CNGA4: variants seen among roughly 807,000 people sequenced by gnomAD.
CNGA4 encodes the protein cyclic nucleotide-gated channel alpha-4.
In CNGA4, 32 loss-of-function variants were observed where a neutral mutation model predicts 45.6. The observed-to-expected ratio is 0.70, with a 90% CI of 0.53 to 0.94. The LOEUF (loss-of-function observed/expected upper bound fraction) is 0.94, where lower values mean the gene tolerates loss of function less well. CNGA4 is among the 40% of genes least tolerant of loss of function. The pLI is 0.00. For missense variants in CNGA4, 726 were observed against 755.1 expected (o/e 0.96, Z 0.45); for synonymous variants, 293 against 304.6 (o/e 0.96, Z 0.40).
chr11:6,237,024 T>C (rs1847847343), upstream of CNGA4, among the ~76,000 whole-genome samples: 3 of 152,148 alleles, frequency 2.0e-5, no homozygotes, highest in Admixed American at 6.5e-5. Flanking sequence ...GCTGAACTCA[T>C]TGGGCAAACT....
chr11:6,241,842 C>T (rs765343881), intron 5 of CNGA4, 62 bp downstream of exon 5: 2 of 1,471,144 alleles, frequency 1.4e-6, no homozygotes, highest in African/African-American at 1.4e-5. Context: ...AACAGCAGAG[C>T]CCAGTGCTGG....
chr11:6,238,964 A>G, upstream of CNGA4: 1 of 1,204,080 alleles, frequency 8.3e-7, no homozygotes, highest in Non-Finnish European at 1.1e-6. Flanking sequence ...AGAGGTGTTT[A>G]GCTGGGCAGG....
At chr11:6,239,617 G>A in intron 2 of CNGA4, 67 bp from the exon 3 acceptor site, 20 of 1,573,768 alleles carry the variant, frequency 1.3e-5, no homozygotes, top group Non-Finnish European at 1.6e-5. Flanking sequence ...AGGGTTAAGG[G>A]CCCTGGGGAG....
In CNGA4 at chr11:6,244,179, C is replaced by G. The variant is rs754502296; in HGVS notation, c.1498C>G (p.Leu500Val). The G allele has an allele frequency of 6.2e-7, 1 of 1,614,232 alleles. No homozygotes were observed. The highest frequency in any genetic ancestry group is 1.7e-5 in the Admixed American group (1 of 60,030). The change falls in exon 6 of 6, where the codon CTA becomes GTA. Residue 500 changes from leucine to valine, a missense_variant. Coordinates refer to ENST00000379936, the MANE Select transcript of CNGA4 (RefSeq NM_001037329.4). The surrounding 1 kb of genome is among the most constrained non-coding windows in gnomAD (Gnocchi z 4.5). ...GGCCACAGAGTCCCGGCTACGAGGC[C>G]TAGACCAGCAGCTGGATGATCTACA... is the stretch of plus-strand genomic sequence containing the variant. ...QEATESRLRG[L>V]DQQLDDLQTK...
At chr11:6,239,359 T>G (rs1387420140) in intron 1 of CNGA4, 25 bp from the exon 2 acceptor site, 2 of 1,613,320 alleles carry the variant, frequency 1.2e-6, no homozygotes, top group Non-Finnish European at 1.7e-6. Context: ...GGTGAATAAA[T>G]GAAGCAAGAC....
upstream of CNGA4, among the ~76,000 whole-genome samples, chr11:6,235,171 C>T (rs1180194852): frequency 6.6e-6 from 1 of 152,120 alleles, no homozygotes; most frequent in Non-Finnish European, 1.5e-5. Flanking sequence ...AGTAGGTGGG[C>T]CGGGCCTGCG....
In CNGA4 at chr11:6,241,718, C is replaced by T; in HGVS notation, c.1205C>T (p.Thr402Ile). Reference protein sequence around the residue: ...QLAVVADDGITQYAVLGAGLY... With the variant: ...QLAVVADDGIIQYAVLGAGLY... The stretch of plus-strand genomic sequence containing the variant: ...GCCGTGGTGGCAGATGATGGTATCA[C>T]ACAGTATGCTGTGCTCGGTGCAGGG... Residue 402 changes from threonine to isoleucine, a missense_variant, in exon 5 of 6, where the codon ACA becomes ATA. Thr to Ile is a moderately conservative substitution (Grantham distance 89, BLOSUM62 -1). Transcript: ENST00000379936. 6.2e-7 allele frequency: 1 copy of T among 1,614,196 alleles called. No individual in the cohort carries two copies. Among genetic ancestry groups the T allele is most frequent in the Non-Finnish European group, 8.5e-7 (1 of 1,180,048 alleles).
At chr11:6,237,053 C>T (rs1201584142), upstream of CNGA4, among the ~76,000 whole-genome samples, 2 of 152,122 alleles carry the variant, frequency 1.3e-5, no homozygotes, top group African/African-American at 4.8e-5. Flanking sequence ...GAACTTCTCA[C>T]AATGTGATGG....
rs1011356156 is a variant in CNGA4 at position 6,240,554 on chromosome 11, G to A, written c.760G>A (p.Ala254Thr). The A allele has an allele frequency of 6.2e-7, 1 of 1,614,228 alleles. No individual in the cohort carries two copies. Among genetic ancestry groups the A allele is most frequent in the Non-Finnish European group, 8.5e-7 (1 of 1,180,048 alleles). The change falls in exon 4 of 6, where the codon GCC (alanine) becomes ACC (threonine). Residue 254 changes from alanine to threonine, a missense_variant. Physicochemically the swap from Ala to Thr is moderately conservative, Grantham distance 58. Transcript: ENST00000379936. This position sits in a 1 kb window ranked among gnomAD's most constrained non-coding sequence, Gnocchi z 4.9. ...YLFMVGDFLL[A>T]VMGFATIMGS... is the part of the protein sequence containing the mutation. ...CTTCATGGTGGGCGACTTCCTGCTGGCCGTCATGGGTTTCGCCACCATCAT... is the reference window on the plus strand; with the variant it reads ...CTTCATGGTGGGCGACTTCCTGCTGACCGTCATGGGTTTCGCCACCATCAT...
At chr11:6,236,175 G>A (rs1847835137), upstream of CNGA4, among the ~76,000 whole-genome samples, 1 of 152,184 alleles carries the variant, frequency 6.6e-6, no homozygotes, top group Non-Finnish European at 1.5e-5. Context: ...ACCAGGGAAA[G>A]GAAGAATGGA....
At chr11:6,241,832 A>G (rs2133878755) in intron 5 of CNGA4, 52 bp downstream of exon 5, 1 of 1,531,106 alleles carries the variant, frequency 6.5e-7, no homozygotes, top group East Asian at 2.3e-5. Context: ...GGTAGGGGGG[A>G]ACAGCAGAGC....
chr11:6,244,724 C>T (rs2133883280), downstream of CNGA4, among the ~76,000 whole-genome samples: 1 of 152,232 alleles, frequency 6.6e-6, no homozygotes, highest in South Asian at 2.1e-4. The surrounding 1 kb of genome is among the most constrained non-coding windows in gnomAD (Gnocchi z 4.5). Flanking sequence ...CATGCTTTCT[C>T]ACAAGCACCG....
upstream of CNGA4, among the ~76,000 whole-genome samples, chr11:6,237,744 A>G (rs138849850): frequency 6.6e-6 from 1 of 152,338 alleles, no homozygotes; most frequent in African/African-American, 2.4e-5. Context: ...GCCATGGGAA[A>G]AGAGAGTTTT....
At chr11:6,243,897 AC>A (rs1847951327) in intron 5 of CNGA4, 51 bp from the exon 6 acceptor site, 1 of 1,535,824 alleles carries the variant, frequency 6.5e-7, no homozygotes, top group Admixed American at 1.8e-5. Flanking sequence ...GTGAAATGCC[AC>A]CTCCTCACCC....
Position 6,241,603 on chromosome 11 carries a change from C to T in CNGA4, c.1090C>T (p.Leu364=). Residue 364 remains leucine (L), a synonymous_variant, in exon 5 of 6, where the codon CTG becomes TTG. Coordinates refer to ENST00000379936, the MANE Select transcript of CNGA4 (RefSeq NM_001037329.4). The stretch of plus-strand genomic sequence containing the variant: ...CCTGCTGGAGGAGCTGGTGCTGAAG[C>T]TGCAGCCCCAGACCTACTCACCAGG... ...ASLLEELVLK[L]QPQTYSPGEY... The T allele has an allele frequency of 6.2e-7, 1 of 1,614,114 alleles. No individual in the cohort carries two copies. The highest frequency in any genetic ancestry group is 8.5e-7 in the Non-Finnish European group (1 of 1,179,974).
In CNGA4 at chr11:6,244,131, G is replaced by A; in HGVS notation, c.1450G>A (p.Ala484Thr). ...KMNKLDVNAE[A>T]AEIALQEATE... ...GAACAAGTTGGACGTGAATGCTGAG[G>A]CAGCTGAGATCGCCCTGCAGGAGGC... The change falls in exon 6 of 6, where the codon GCA becomes ACA. Residue 484 changes from alanine (A) to threonine (T), a missense_variant. Ala to Thr is a moderately conservative substitution (Grantham distance 58). Coordinates refer to ENST00000379936, the MANE Select transcript of CNGA4 (RefSeq NM_001037329.4). This position sits in a 1 kb window ranked among gnomAD's most constrained non-coding sequence, Gnocchi z 4.5. 1 of 1,614,228 alleles carries A rather than the reference G, an allele frequency of 6.2e-7. No individual in the cohort carries two copies. The highest frequency in any genetic ancestry group is 8.5e-7 in the Non-Finnish European group (1 of 1,180,046).
In CNGA4 at chr11:6,239,161, A is replaced by C; in HGVS notation, c.-46A>C. The C allele has an allele frequency of 6.2e-7, 1 of 1,612,400 alleles. No individual in the cohort carries two copies. Among genetic ancestry groups the C allele is most frequent in the Non-Finnish European group, 8.5e-7 (1 of 1,179,972 alleles). On this transcript the variant is annotated 5_prime_UTR_variant, in exon 1 of 6. Coordinates refer to ENST00000379936, the MANE Select transcript of CNGA4 (RefSeq NM_001037329.4). Reference sequence around the variant, plus strand: ...CCAACTCCAGAAGTCCCCTACAGGCAGAGAGGGTGTGGACATCTCACACCC... The same window carrying C: ...CCAACTCCAGAAGTCCCCTACAGGCCGAGAGGGTGTGGACATCTCACACCC...
Position 6,243,872 on chromosome 11 carries a change from G to C in CNGA4, c.1268-77G>C, listed in dbSNP as rs150015060. ...TCAGAAGCACAAATATGGAGGTGAAGGTCCTGGTTCAGGAGTGAAATGCCA... is the reference window on the plus strand; with the variant it reads ...TCAGAAGCACAAATATGGAGGTGAACGTCCTGGTTCAGGAGTGAAATGCCA... On this transcript the variant is annotated intron_variant, in intron 5 of 5. Transcript: ENST00000379936. The C allele has an allele frequency of 4.6e-6, 6 of 1,317,976 alleles. No individual in the cohort carries two copies. In the African/African-American group the frequency reaches 7.3e-5, roughly 16 times the overall value. The allele number at this position is 1,317,976 out of a possible 1,614,324, so 81.6% of individuals were successfully genotyped here. A position where few individuals can be genotyped will look rare whatever the true frequency, so the allele number is the denominator to read the frequency against.
At chr11:6,238,892 C>T (rs780102444), upstream of CNGA4, 2 of 245,244 alleles carry the variant, frequency 8.2e-6, no homozygotes, top group Non-Finnish European at 1.3e-5. Context: ...AGGAGGAAAA[C>T]AGAGACAAGA....
Sources: gnomAD v4.1 joint callset for allele counts (sites outside exome capture counted in the v4.1 genomes callset) on GRCh38, gnomAD v4.1.1 for gene constraint, Gnocchi (gnomAD v3.1) non-coding constraint, MANE v1.5 for transcripts, NCBI Gene and HGNC (gene_info 2026-07-23, HGNC 2026-07-21) for gene names.